The following THSD7B variants were observed in gnomAD, a reference collection of about 807,000 sequenced individuals.
THSD7B encodes thrombospondin type-1 domain-containing protein 7B.
A neutral mutation model predicts 213.6 loss-of-function variants in THSD7B; 138 were observed. The observed-to-expected ratio is 0.65, with a 90% CI of 0.56 to 0.74. The LOEUF is 0.74. THSD7B is among the 30% of genes least tolerant of loss of function. THSD7B has a pLI of 0.00. For synonymous variants in THSD7B, 742 were observed against 687.0 expected (o/e 1.08, Z -1.25); for missense variants, 1,931 against 1,991.5 (o/e 0.97, Z 0.58).
chr2:136,854,161 C>G (rs565490599), intron 1 of THSD7B, among the ~76,000 whole-genome samples: 1 of 151,758 alleles, frequency 6.6e-6, no homozygotes, highest in African/African-American at 2.4e-5. Flanking sequence ...GCTTCTAGGC[C>G]CTCTTAGGAA....
At chr2:137,332,018 C>G (rs1356713509) in intron 12 of THSD7B, among the ~76,000 whole-genome samples, 1 of 152,192 alleles carries the variant, frequency 6.6e-6, no homozygotes, top group Admixed American at 6.5e-5. Flanking sequence ...GCTGAGGGAG[C>G]CGGCTCCGGC....
chr2:137,404,608 A>G (rs1160989791), intron 12 of THSD7B, among the ~76,000 whole-genome samples: 1 of 150,156 alleles, frequency 6.7e-6, no homozygotes, highest in Non-Finnish European at 1.5e-5. Context: ...CACACATACT[A>G]TATATGATCA....
intron 17 of THSD7B, among the ~76,000 whole-genome samples, chr2:137,603,434 G>A (rs1045041359): frequency 6.6e-6 from 1 of 152,094 alleles, no homozygotes; most frequent in African/African-American, 2.4e-5. Flanking sequence ...TTTCTTTGTA[G>A]GATGGTTTTG....
intron 15 of THSD7B, among the ~76,000 whole-genome samples, chr2:137,460,039 C>A (rs971818190): frequency 1.3e-5 from 2 of 152,120 alleles, no homozygotes; most frequent in Non-Finnish European, 2.9e-5. Context: ...CCTACCCTTT[C>A]TAATTCAAAC....
intron 2 of THSD7B, among the ~76,000 whole-genome samples, chr2:136,984,832 AC>A (rs1685644034): frequency 6.6e-6 from 1 of 152,144 alleles, no homozygotes; most frequent in Admixed American, 6.6e-5. Context: ...AGAAAAATGG[AC>A]AGCGAAGGCC....
At chr2:137,251,202 T>A (rs1293675284) in intron 10 of THSD7B, among the ~76,000 whole-genome samples, 1 of 152,188 alleles carries the variant, frequency 6.6e-6, no homozygotes, top group Non-Finnish European at 1.5e-5. Flanking sequence ...CACAGCTCAA[T>A]TTTCCTCATA....
chr2:137,402,173 A>G (rs1686382461), intron 12 of THSD7B, among the ~76,000 whole-genome samples: 1 of 152,194 alleles, frequency 6.6e-6, no homozygotes, highest in African/African-American at 2.4e-5. Context: ...TAGTCTTGTG[A>G]TACTCATTTT....
intron 5 of THSD7B, among the ~76,000 whole-genome samples, chr2:137,136,710 A>T (rs1319243877): frequency 6.6e-6 from 1 of 152,136 alleles, no homozygotes. Flanking sequence ...ATCTTCAAGG[A>T]TTAACTCTTT....
chr2:137,014,667 C>T (rs993833163), intron 2 of THSD7B, among the ~76,000 whole-genome samples: 1 of 152,208 alleles, frequency 6.6e-6, no homozygotes, highest in African/African-American at 2.4e-5. Flanking sequence ...TTGGTCTGTT[C>T]TTTATGGCCA....
intron 2 of THSD7B, among the ~76,000 whole-genome samples, chr2:137,009,851 A>T (rs1195899066): frequency 6.6e-6 from 1 of 152,228 alleles, no homozygotes; most frequent in Non-Finnish European, 1.5e-5. Flanking sequence ...GTCTCCACAC[A>T]TTGCCAATGT....
chr2:137,456,961 C>T (rs536206318), intron 15 of THSD7B, among the ~76,000 whole-genome samples: 9 of 152,258 alleles, frequency 5.9e-5, no homozygotes, highest in South Asian at 2.1e-4. Context: ...CAGCTAGCCC[C>T]GACTCTGTGC....
chr2:137,515,661 C>T (rs1177660181), intron 15 of THSD7B, among the ~76,000 whole-genome samples: 1 of 152,108 alleles, frequency 6.6e-6, no homozygotes, highest in African/African-American at 2.4e-5. Flanking sequence ...TTTGGGCCCA[C>T]TAAGTAGGGA....
At chr2:137,131,649 T>G (rs1688734719) in intron 5 of THSD7B, among the ~76,000 whole-genome samples, 1 of 152,220 alleles carries the variant, frequency 6.6e-6, no homozygotes, top group Non-Finnish European at 1.5e-5. Context: ...CCTTTCCCCA[T>G]TGCTTGTTTT....
At chr2:137,052,926 T>C (rs1687095495) in intron 2 of THSD7B, among the ~76,000 whole-genome samples, 1 of 152,238 alleles carries the variant, frequency 6.6e-6, no homozygotes, top group South Asian at 2.1e-4. Flanking sequence ...TTATTCCATG[T>C]GTGCACAATT....
At chr2:137,276,095 G>T in intron 12 of THSD7B, 69 bp downstream of exon 12, 5 of 1,094,274 alleles carry the variant, frequency 4.6e-6, no homozygotes, top group Admixed American at 2.6e-5. Context: ...CATATGTGTT[G>T]CTTACTTTTA....
At chr2:137,598,686 G>C (rs150440283) in intron 17 of THSD7B, among the ~76,000 whole-genome samples, 2 of 152,146 alleles carry the variant, frequency 1.3e-5, no homozygotes, top group Admixed American at 6.5e-5. Flanking sequence ...TATTGTTAAT[G>C]TGTTAGAACA....
intron 12 of THSD7B, among the ~76,000 whole-genome samples, chr2:137,324,701 G>T (rs1035746529): frequency 6.6e-6 from 1 of 152,034 alleles, no homozygotes; most frequent in African/African-American, 2.4e-5. Context: ...TATTTCTAGA[G>T]AAATAAAAGT....
At chr2:137,106,755 G>T (rs375595340) in intron 4 of THSD7B, among the ~76,000 whole-genome samples, 14 of 152,306 alleles carry the variant, frequency 9.2e-5, no homozygotes, top group African/African-American at 2.2e-4. Flanking sequence ...TTTCTCAAAA[G>T]AAGACATTTA....
intron 15 of THSD7B, among the ~76,000 whole-genome samples, chr2:137,476,884 T>A (rs549050221): frequency 1.3e-5 from 2 of 152,320 alleles, no homozygotes; most frequent in African/African-American, 4.8e-5. Context: ...AGATACCAGA[T>A]ATGATCTTGA....
Sources: allele counts gnomAD v4.1 joint callset (sites outside exome capture counted in the v4.1 genomes callset), GRCh38; gene constraint gnomAD v4.1.1; transcripts MANE v1.5; gene names NCBI Gene and HGNC (gene_info 2026-07-23, HGNC 2026-07-21).